Variants in MTX2 observed in about 807,000 individuals in gnomAD.
The protein encoded by MTX2 is metaxin-2.
A neutral mutation model predicts 42.3 loss-of-function variants in MTX2; 35 were observed. The observed-to-expected ratio is 0.83, with a 90% CI of 0.63 to 1.10. The LOEUF (loss-of-function observed/expected upper bound fraction) is 1.10, where lower values mean the gene tolerates loss of function less well. MTX2 is among the 50% of genes least tolerant of loss of function. The pLI is 0.00. For missense variants in MTX2, 307 were observed against 304.1 expected (o/e 1.01, Z -0.07); for synonymous variants, 119 against 100.9 (o/e 1.18, Z -1.08).
intron 8 of MTX2, 62 bp from the exon 9 acceptor site, chr2:176,330,522 A>G (rs1247682829): frequency 1.7e-6 from 2 of 1,198,442 alleles, no homozygotes; most frequent in African/African-American, 1.5e-5. Context: ...GTTACGTTTT[A>G]GATACTTTTT....
intron 3 of MTX2, 34 bp from the exon 4 acceptor site, chr2:176,323,358 T>G: frequency 6.4e-7 from 1 of 1,565,166 alleles, no homozygotes. Flanking sequence ...CATATGCTTT[T>G]TACTGGGCTT....
chr2:176,292,197 G>T (rs1558929137), intron 1 of MTX2, among the ~76,000 whole-genome samples: 1 of 152,100 alleles, frequency 6.6e-6, no homozygotes, highest in East Asian at 1.9e-4. Context: ...TCCTTTAGGT[G>T]TGTTTAAAAT....
chr2:176,269,697 G>T (rs1692748686), intron 1 of MTX2, 28 bp downstream of exon 1: 4 of 1,584,494 alleles, frequency 2.5e-6, no homozygotes, highest in Non-Finnish European at 3.4e-6. Flanking sequence ...AGACCCAGAA[G>T]GTGGCGGCGC....
chr2:176,301,957 A>G (rs1684033757), intron 3 of MTX2, among the ~76,000 whole-genome samples: 1 of 152,172 alleles, frequency 6.6e-6, no homozygotes, highest in African/African-American at 2.4e-5. Flanking sequence ...GCCTATTTTG[A>G]CTTCAAAGAT....
In MTX2 at chr2:176,337,533, A is replaced by AC; in HGVS notation, c.663dup (p.Ile222HisfsTer9). On this transcript the variant is annotated frameshift_variant, in exon 10 of 10. Coordinates refer to ENST00000249442, the MANE Select transcript of MTX2 (RefSeq NM_006554.5). LOFTEE classifies it high-confidence loss of function. The stretch of plus-strand genomic sequence containing the variant: ...CGCACTGGTATTTGGCCATCTATAC[A>AC]CCATTCTTACCACACAATTGACAAA... The AC allele has an allele frequency of 6.2e-7, 1 of 1,612,836 alleles. No homozygotes were observed. Among genetic ancestry groups the AC allele is most frequent in the South Asian group, 1.1e-5 (1 of 90,862 alleles).
chr2:176,287,777 G>A (rs1488744769), intron 1 of MTX2, among the ~76,000 whole-genome samples: 1 of 151,890 alleles, frequency 6.6e-6, no homozygotes, highest in Non-Finnish European at 1.5e-5. Flanking sequence ...GTCCTAGAAT[G>A]TTTGCTTTCT....
intron 1 of MTX2, among the ~76,000 whole-genome samples, chr2:176,282,697 C>CTTTTTTTTTTTTTTTTTTTTTTTTTTT (rs869158492): frequency 7.0e-6 from 1 of 143,694 alleles, no homozygotes. Flanking sequence ...AGTTTATCTA[C>CTTTTTTTTTTTTTTTTTTTTTTTTTTT]TTTTTTTTTT....
chr2:176,323,518 G>T (rs1045802180), intron 4 of MTX2, 54 bp downstream of exon 4: 44 of 1,486,172 alleles, frequency 3.0e-5, no homozygotes, highest in Middle Eastern at 2.0e-4. Context: ...TAAAATTATA[G>T]TGATAGTCCA....
chr2:176,326,992 G>T, intron 5 of MTX2, 91 bp downstream of exon 5: 1 of 732,146 alleles, frequency 1.4e-6, no homozygotes, highest in Non-Finnish European at 2.1e-6. Flanking sequence ...TTTCAACCTA[G>T]TTTTATAAAA....
At chr2:176,322,535 G>GA (rs1684609596) in intron 3 of MTX2, among the ~76,000 whole-genome samples, 1 of 151,986 alleles carries the variant, frequency 6.6e-6, no homozygotes, top group Admixed American at 6.6e-5. Context: ...TGTGAATAGA[G>GA]AAAAAGAAGC....
chr2:176,273,412 A>G (rs1194520087), intron 1 of MTX2, among the ~76,000 whole-genome samples: 2 of 152,224 alleles, frequency 1.3e-5, no homozygotes. Context: ...TTATGTATCT[A>G]TATAGATCTG....
intron 9 of MTX2, among the ~76,000 whole-genome samples, chr2:176,334,529 T>C (rs934704051): frequency 1.3e-5 from 2 of 151,830 alleles, no homozygotes; most frequent in African/African-American, 2.4e-5. Flanking sequence ...ATGATAAGAT[T>C]ATGGTGCTGT....
chr2:176,299,352 A>G lies in MTX2; in HGVS notation c.135+1457A>G, dbSNP rs963238544. Among the ~76,000 whole-genome samples, 4 of 152,106 alleles carry G rather than the reference A, an allele frequency of 2.6e-5. No individual in the cohort carries two copies. In the South Asian group the frequency reaches 6.2e-4, roughly 24 times the overall value. On this transcript the variant is annotated intron_variant, in intron 3 of 9. Transcript: ENST00000249442. ...TTTCAGTACAAACCAAAATACCAGT[A>G]TATTACCATTTAAAAAAACTAACGT...
In MTX2 at chr2:176,337,805, T is replaced by C. The variant is rs995245242; in HGVS notation, c.*141T>C. 1 of 655,546 alleles carries C rather than the reference T, an allele frequency of 1.5e-6. No homozygotes were observed. The highest frequency in any genetic ancestry group is 2.5e-6 in the Non-Finnish European group (1 of 404,600). 40.6% of individuals were successfully genotyped at this position (655,546 alleles called of 1,614,324 possible). ...TATATAATGTATCTTATGTATGTGCTTTATATTGTTATTTGTGTATACATT... is the reference window on the plus strand; with the variant it reads ...TATATAATGTATCTTATGTATGTGCCTTATATTGTTATTTGTGTATACATT... On this transcript the variant is annotated 3_prime_UTR_variant, in exon 10 of 10. Coordinates refer to ENST00000249442, the MANE Select transcript of MTX2 (RefSeq NM_006554.5).
intron 1 of MTX2, among the ~76,000 whole-genome samples, chr2:176,292,627 T>A (rs565175211): frequency 6.6e-6 from 1 of 152,204 alleles, no homozygotes; most frequent in Non-Finnish European, 1.5e-5. Flanking sequence ...AAGACAGTTA[T>A]AGAGCTCATT....
chr2:176,333,378 T>G (rs1378924562), intron 9 of MTX2, among the ~76,000 whole-genome samples: 1 of 151,712 alleles, frequency 6.6e-6, no homozygotes, highest in African/African-American at 2.4e-5. Context: ...AATATGTTAC[T>G]TGTCTTTTTG....
chr2:176,281,410 A>T (rs1693074491), intron 1 of MTX2, among the ~76,000 whole-genome samples: 1 of 152,194 alleles, frequency 6.6e-6, no homozygotes. Flanking sequence ...TGGAATACTT[A>T]CATGTGGCTT....
chr2:176,296,429 A>G (rs1277400882), intron 1 of MTX2, among the ~76,000 whole-genome samples: 1 of 152,138 alleles, frequency 6.6e-6, no homozygotes, highest in Non-Finnish European at 1.5e-5. Flanking sequence ...TACTTTGTTA[A>G]AAGTTTGCCG....
intron 1 of MTX2, among the ~76,000 whole-genome samples, chr2:176,275,798 C>G (rs1254163754): frequency 6.6e-6 from 1 of 152,142 alleles, no homozygotes; most frequent in African/African-American, 2.4e-5. Context: ...ACAGGCCTAA[C>G]TCACTTGCCC....
Sources: allele counts gnomAD v4.1 joint callset (sites outside exome capture counted in the v4.1 genomes callset), GRCh38; gene constraint gnomAD v4.1.1; transcripts MANE v1.5; gene names NCBI Gene and HGNC (gene_info 2026-07-23, HGNC 2026-07-21).